HAVCR2: variants seen among roughly 807,000 people sequenced by gnomAD.
The protein encoded by HAVCR2 is T cell immunoglobulin mucin 3.
HAVCR2 carries 13 observed loss-of-function variants against 24.7 expected under a neutral mutation model. The ratio of observed to expected loss-of-function variants is 0.53; its 90% CI spans 0.34 to 0.84. The LOEUF is 0.84. HAVCR2 is among the 40% of genes least tolerant of loss of function. The pLI is 0.01. For missense variants in HAVCR2, 343 were observed against 371.2 expected, an observed-to-expected ratio of 0.92 and a Z score of 0.62; for synonymous variants, 154 against 143.4, an observed-to-expected ratio of 1.07 and a Z score of -0.53.
rs1459049972 is a variant in HAVCR2 at position 157,085,839 on chromosome 5, A to C, written c.*1263T>G. On this transcript the variant is annotated 3_prime_UTR_variant, in exon 7 of 7. Transcript: ENST00000307851. ...ACAAACAAACAAACAAAAAACAGTAAAAAAAAATTTTTAGTAAGTTCCAAT... is the reference window on the plus strand; with the variant it reads ...ACAAACAAACAAACAAAAAACAGTACAAAAAAATTTTTAGTAAGTTCCAAT... The C allele has an allele frequency of 6.6e-6, 1 of 152,130 alleles. No individual in the cohort carries two copies. Among genetic ancestry groups the C allele is most frequent in the Non-Finnish European group, 1.5e-5 (1 of 68,036 alleles). 9.4% of individuals were successfully genotyped at this position (152,130 alleles called of 1,614,324 possible). A position where few individuals can be genotyped will look rare whatever the true frequency, so the allele number is the denominator to read the frequency against.
At chr5:157,100,552 G>C (rs1221741841) in intron 3 of HAVCR2, among the ~76,000 whole-genome samples, 1 of 152,180 alleles carries the variant, frequency 6.6e-6, no homozygotes, top group Non-Finnish European at 1.5e-5. Context: ...CTAAAAATAA[G>C]TACATTGCCA....
At chr5:157,099,006 A>T in intron 3 of HAVCR2, 105 bp from the exon 4 acceptor site, 1 of 980,576 alleles carries the variant, frequency 1.0e-6, no homozygotes, top group Non-Finnish European at 1.5e-6. Context: ...GATGCCTATA[A>T]TCCTATTTGA....
chr5:157,087,082 C>G lies in HAVCR2; in HGVS notation c.*20G>C. 6.2e-7 allele frequency: 1 copy of G among 1,606,170 alleles called. No individual in the cohort carries two copies. The highest frequency in any genetic ancestry group is 8.5e-7 in the Non-Finnish European group (1 of 1,177,820). On this transcript the variant is annotated 3_prime_UTR_variant, in exon 7 of 7. Transcript: ENST00000307851. ...TCTGAAAAAGACAAAACACCAAGCT[C>G]AAAAATAAGGTGGTTGGATCTATGG...
chr5:157,099,341 C>T (rs1412310083), intron 3 of HAVCR2, among the ~76,000 whole-genome samples: 1 of 151,690 alleles, frequency 6.6e-6, no homozygotes, highest in Non-Finnish European at 1.5e-5. Flanking sequence ...ACCGCAACCT[C>T]GGCCTCCCTG....
At chr5:157,108,792 C>A in intron 1 of HAVCR2, 134 bp downstream of exon 1, 1 of 640,882 alleles carries the variant, frequency 1.6e-6, no homozygotes, top group East Asian at 2.7e-5. Context: ...TACCCACTCC[C>A]TCATCGACGG....
rs1399718928 is a variant in HAVCR2, at chr5:157,106,134, C to CT, written c.394+492dup. ...TGAGTTTTGGCTTTTCTTTTCTTTT[C>CT]TTTTTTTTTTTTTGAGACAGAGTTT... On this transcript the variant is annotated intron_variant, in intron 2 of 6. Transcript: ENST00000307851. 4.7e-3 allele frequency: 668 copies of CT among 141,258 alleles called. 8 individuals carry two copies. Among genetic ancestry groups the CT allele is most frequent in the African/African-American group, 0.016 (609 of 38,196 alleles). The allele number at this position is 141,258 out of a possible 1,614,324, so 8.8% of individuals were successfully genotyped here.
chr5:157,096,879 C>A (rs906367988), intron 4 of HAVCR2, among the ~76,000 whole-genome samples: 1 of 151,134 alleles, frequency 6.6e-6, no homozygotes, highest in Non-Finnish European at 1.5e-5. Context: ...TCACTTGAGA[C>A]CAGGAGTTAG....
chr5:157,086,834 G>C lies in HAVCR2; in HGVS notation c.*268C>G, dbSNP rs1238992608. On this transcript the variant is annotated 3_prime_UTR_variant, in exon 7 of 7. Transcript: ENST00000307851. ...AGAGACCCCACGTCAAGAATTCCTA[G>C]TGTATATAAAAGCCCGTTTGAGCTC... 8.0e-6 allele frequency: 3 copies of C among 375,288 alleles called. No individual in the cohort carries two copies. The highest frequency in any genetic ancestry group is 1.4e-3 in the Middle Eastern group (2 of 1,414). 23.2% of individuals were successfully genotyped at this position (375,288 alleles called of 1,614,324 possible).
At chr5:157,087,470 T>G (rs1320033715) in intron 6 of HAVCR2, among the ~76,000 whole-genome samples, 176 bp from the exon 7 acceptor site, 2 of 151,880 alleles carry the variant, frequency 1.3e-5, no homozygotes, top group Non-Finnish European at 2.9e-5. Context: ...GGGAAACAAT[T>G]GAGAAAATGT....
intron 3 of HAVCR2, among the ~76,000 whole-genome samples, chr5:157,100,554 A>T (rs1757153009): frequency 6.6e-6 from 1 of 152,254 alleles, no homozygotes. Context: ...AAAAATAAGT[A>T]CATTGCCAGC....
intron 3 of HAVCR2, among the ~76,000 whole-genome samples, chr5:157,102,454 T>G (rs1757181324): frequency 6.6e-6 from 1 of 152,224 alleles, no homozygotes; most frequent in South Asian, 2.1e-4. Context: ...TTACATATTA[T>G]AGACAAACCA....
At chr5:157,102,841 A>G (rs6873659) in intron 3 of HAVCR2, among the ~76,000 whole-genome samples, 125,381 of 150,622 alleles carry the variant, frequency 0.83, 52,303 homozygotes, top group East Asian at 0.99. Context: ...AGGCTGAGGC[A>G]GGAGAATGGC....
At chr5:157,100,018 GTT>G (rs1284661979) in intron 3 of HAVCR2, among the ~76,000 whole-genome samples, 1 of 152,156 alleles carries the variant, frequency 6.6e-6, no homozygotes, top group Non-Finnish European at 1.5e-5. Context: ...TCTTAAATAA[GTT>G]TTGCATTTAC....
In HAVCR2 at chr5:157,095,418, C is replaced by T; in HGVS notation, c.564G>A (p.Leu188=). The stretch of plus-strand genomic sequence containing the variant: ...CTCCAGAGTCCCGTAAGTCATTGGC[C>T]AATCTAGAGTCCCGTAACTCATTGG... The part of the protein sequence containing the change: ...TLANELRDSR[L]ANDLRDSGAT... The change falls in exon 5 of 7, where the codon TTG becomes TTA. Residue 188 remains leucine (L), a synonymous_variant. Transcript: ENST00000307851. 1 of 1,613,960 alleles carries T rather than the reference C, an allele frequency of 6.2e-7. No homozygotes were observed. The highest frequency in any genetic ancestry group is 1.1e-5 in the South Asian group (1 of 91,076).
At chr5:157,107,456 C>T (rs1757269786) in intron 1 of HAVCR2, among the ~76,000 whole-genome samples, 1 of 152,172 alleles carries the variant, frequency 6.6e-6, no homozygotes, top group African/African-American at 2.4e-5. Context: ...TCTTTTTAAG[C>T]AGCAAGTGCA....
At position 157,090,122 on chromosome 5, in the gene HAVCR2, C is replaced by CTTTTTTT. The variant is rs869177923; in HGVS notation, c.677-1152_677-1146dup. On this transcript the variant is annotated intron_variant, in intron 5 of 6. Transcript: ENST00000307851. ...TTAAAATTTTCCTTTCTTTTCTTTT[C>CTTTTTTT]TTTTTTTTTTTTTTTTTTTTTTTTT... 6.7e-3 allele frequency among the ~76,000 whole-genome samples: 438 copies of CTTTTTTT among 65,572 alleles called. 16 individuals are homozygous for CTTTTTTT. The highest frequency in any genetic ancestry group is 0.02 in the Middle Eastern group (1 of 50). The allele number at this position is 65,572 out of a possible 152,430, so 43.0% of individuals were successfully genotyped here. A position where few individuals can be genotyped will look rare whatever the true frequency, so the allele number is the denominator to read the frequency against.
chr5:157,092,878 C>CAAAAAAAAAAAAAAAAAAAAAAA lies in HAVCR2; in HGVS notation c.676+2405_676+2427dup, dbSNP rs556443053. On this transcript the variant is annotated intron_variant, in intron 5 of 6. Transcript: ENST00000307851. Reference sequence around the variant, plus strand: ...CAACATGGCAAAACCCTGTCTCTACCAAAAAAAAAAAAAAAAAAAAAAAAA... The same window carrying CAAAAAAAAAAAAAAAAAAAAAAA: ...CAACATGGCAAAACCCTGTCTCTACCAAAAAAAAAAAAAAAAAAAAAAAAAAAAAAAAAAAAAAAAAAAAAAAA... Among the ~76,000 whole-genome samples, 13 of 44,040 alleles carry CAAAAAAAAAAAAAAAAAAAAAAA rather than the reference C, an allele frequency of 3.0e-4. 4 individuals carry two copies. Among genetic ancestry groups the CAAAAAAAAAAAAAAAAAAAAAAA allele is most frequent in the Non-Finnish European group, 5.1e-4 (11 of 21,714 alleles). The allele number at this position is 44,040 out of a possible 152,430, so 28.9% of individuals were successfully genotyped here.
intron 5 of HAVCR2, among the ~76,000 whole-genome samples, chr5:157,093,158 T>C (rs2113686678): frequency 6.6e-6 from 1 of 151,248 alleles, no homozygotes; most frequent in East Asian, 1.9e-4. Flanking sequence ...CATGGCTATC[T>C]CTGAATAAAC....
chr5:157,105,779 TG>T (rs1177415450), intron 2 of HAVCR2, among the ~76,000 whole-genome samples: 1 of 152,206 alleles, frequency 6.6e-6, no homozygotes, highest in African/African-American at 2.4e-5. Flanking sequence ...TGGCTGCACC[TG>T]GGGTAAAATC....
Sources: gnomAD v4.1 joint callset for allele counts (sites outside exome capture counted in the v4.1 genomes callset) on GRCh38, gnomAD v4.1.1 for gene constraint, MANE v1.5 for transcripts, NCBI Gene and HGNC (gene_info 2026-07-23, HGNC 2026-07-21) for gene names.